The following FHOD3 variants were observed in gnomAD, a reference collection of about 807,000 sequenced individuals.
The protein encoded by FHOD3 is FH1/FH2 domain-containing protein 3.
Under a neutral mutation model 173.0 loss-of-function variants are expected in FHOD3, and 90 were observed. That is an observed-to-expected ratio of 0.52 (90% CI 0.44 to 0.62). FHOD3 has a LOEUF of 0.62. FHOD3 is among the 20% of genes least tolerant of loss of function. FHOD3 has a pLI of 0.00. For synonymous variants in FHOD3, 828 were observed against 823.0 expected, an observed-to-expected ratio of 1.01 and a Z score of -0.10; for missense variants, 1,945 against 2,034.7, an observed-to-expected ratio of 0.96 and a Z score of 0.85.
At chr18:36,401,100 A>G (rs572558116) in intron 3 of FHOD3, among the ~76,000 whole-genome samples, 23 of 152,286 alleles carry the variant, frequency 1.5e-4, no homozygotes, top group Middle Eastern at 6.8e-3. Flanking sequence ...GACGTGATGC[A>G]TGGCGTGCTG....
At chr18:36,496,636 A>G (rs190705988) in intron 3 of FHOD3, among the ~76,000 whole-genome samples, 48 of 152,368 alleles carry the variant, frequency 3.2e-4, no homozygotes, top group Non-Finnish European at 5.4e-4. Context: ...CTTTCCAAAG[A>G]CAGTACTCTA....
intron 3 of FHOD3, among the ~76,000 whole-genome samples, chr18:36,499,595 T>G (rs896487147): frequency 9.9e-5 from 15 of 152,164 alleles, no homozygotes; most frequent in Non-Finnish European, 1.5e-5. Flanking sequence ...GATTCTCAGA[T>G]GTTAGCTGTG....
chr18:36,512,119 G>A (rs777157615), intron 4 of FHOD3, among the ~76,000 whole-genome samples: 4 of 152,250 alleles, frequency 2.6e-5, no homozygotes, highest in South Asian at 2.1e-4. Flanking sequence ...CCTTGGGACC[G>A]TGGGGGAGTA....
intron 5 of FHOD3, among the ~76,000 whole-genome samples, chr18:36,548,342 G>A (rs534976878): frequency 3.3e-5 from 5 of 152,304 alleles, no homozygotes; most frequent in Admixed American, 6.5e-5. Flanking sequence ...TGTTAGTTTT[G>A]TAGGGGACTT....
intron 27 of FHOD3, among the ~76,000 whole-genome samples, chr18:36,763,159 ATATATATGTGTATTATATACGC>A (rs1351116451): frequency 4.7e-5 from 7 of 148,148 alleles, no homozygotes; most frequent in South Asian, 2.1e-4. Context: ...TATACACGTT[ATATATATGTGTATTATATACGC>A]TATATATGTG....
intron 8 of FHOD3, among the ~76,000 whole-genome samples, chr18:36,604,659 A>T (rs2031857256): frequency 6.6e-6 from 1 of 152,212 alleles, no homozygotes; most frequent in Admixed American, 6.5e-5. Context: ...TAGGAAGAAA[A>T]AAAAGAGAGA....
intron 24 of FHOD3, 135 bp downstream of exon 24, chr18:36,747,270 A>G (rs1272506254): frequency 3.7e-6 from 2 of 547,430 alleles, no homozygotes; most frequent in Admixed American, 3.9e-5. Flanking sequence ...CACTGATGAT[A>G]CAGATGTTTA....
At chr18:36,303,031 C>T (rs998276123) in intron 1 of FHOD3, among the ~76,000 whole-genome samples, 41 of 152,248 alleles carry the variant, frequency 2.7e-4, no homozygotes, top group African/African-American at 9.1e-4. Context: ...CCTCTTGCAA[C>T]GATCTGGGTT....
intron 20 of FHOD3, among the ~76,000 whole-genome samples, chr18:36,731,212 G>A (rs1332969470): frequency 1.3e-5 from 2 of 152,208 alleles, no homozygotes; most frequent in Non-Finnish European, 2.9e-5. Context: ...ATTTGTTGGG[G>A]TACAGAGAGA....
At chr18:36,701,046 G>A (rs527379684) in intron 17 of FHOD3, among the ~76,000 whole-genome samples, 8 of 152,184 alleles carry the variant, frequency 5.3e-5, no homozygotes, top group Non-Finnish European at 8.8e-5. Context: ...CGTGTGCCTC[G>A]GGCAGGGCAC....
At chr18:36,528,525 C>T (rs1179904558) in intron 5 of FHOD3, among the ~76,000 whole-genome samples, 2 of 152,156 alleles carry the variant, frequency 1.3e-5, no homozygotes, top group Non-Finnish European at 2.9e-5. Flanking sequence ...TCATGATGTC[C>T]TTGTCCCTCG....
chr18:36,359,835 G>A (rs2046525142), intron 2 of FHOD3, among the ~76,000 whole-genome samples: 1 of 152,152 alleles, frequency 6.6e-6, no homozygotes, highest in African/African-American at 2.4e-5. Context: ...AGTAAAATAT[G>A]ATAATGTATC....
At chr18:36,599,373 G>GA (rs1030125352) in intron 7 of FHOD3, among the ~76,000 whole-genome samples, 3 of 152,148 alleles carry the variant, frequency 2.0e-5, no homozygotes, top group Admixed American at 2.0e-4. Flanking sequence ...TGATTAGCAG[G>GA]AAAAAAATTC....
At chr18:36,721,365 G>A (rs1299794284) in intron 19 of FHOD3, among the ~76,000 whole-genome samples, 1 of 152,238 alleles carries the variant, frequency 6.6e-6, no homozygotes, top group East Asian at 1.9e-4. Flanking sequence ...TTTTGGCCAT[G>A]ATGGGTGGCT....
intron 5 of FHOD3, among the ~76,000 whole-genome samples, chr18:36,513,767 T>C (rs2055793396): frequency 6.6e-6 from 1 of 151,954 alleles, no homozygotes; most frequent in Non-Finnish European, 1.5e-5. Context: ...AACGTAGGGC[T>C]CATTAAAAAA....
At chr18:36,495,106 T>C (rs895482219) in intron 3 of FHOD3, among the ~76,000 whole-genome samples, 4 of 151,836 alleles carry the variant, frequency 2.6e-5, no homozygotes, top group African/African-American at 9.7e-5. Context: ...CTGGCTAATT[T>C]TTGTATTTTT....
chr18:36,366,762 G>A (rs929261119), intron 2 of FHOD3, among the ~76,000 whole-genome samples: 2 of 152,204 alleles, frequency 1.3e-5, no homozygotes, highest in African/African-American at 4.8e-5. Flanking sequence ...TCCCTGAGAT[G>A]GAGTGCCAGT....
intron 5 of FHOD3, among the ~76,000 whole-genome samples, chr18:36,570,430 A>G (rs2058413533): frequency 1.3e-5 from 2 of 152,136 alleles, no homozygotes; most frequent in African/African-American, 4.8e-5. Context: ...AAATATCTCC[A>G]GCCCCAAACA....
chr18:36,387,793 G>C (rs1029107337), intron 3 of FHOD3, among the ~76,000 whole-genome samples: 10 of 152,058 alleles, frequency 6.6e-5, no homozygotes, highest in Admixed American at 5.9e-4. Context: ...TGTCCCCTGG[G>C]CTTCTAGTGC....
Sources: allele counts gnomAD v4.1 joint callset (sites outside exome capture counted in the v4.1 genomes callset), GRCh38; gene constraint gnomAD v4.1.1; transcripts MANE v1.5; gene names NCBI Gene and HGNC (gene_info 2026-07-23, HGNC 2026-07-21).